Variants in MLIP observed in about 807,000 individuals in gnomAD.
The protein encoded by MLIP is muscular LMNA-interacting protein.
In MLIP, 79 loss-of-function variants were observed where a neutral mutation model predicts 84.8. The observed-to-expected ratio is 0.93, with a 90% CI of 0.78 to 1.12. The LOEUF is 1.12. MLIP is among the 50% of genes most tolerant of loss of function. The pLI is 0.00. For synonymous variants in MLIP, 504 were observed against 463.0 expected (o/e 1.09, Z -1.14); for missense variants, 1,257 against 1,160.6 (o/e 1.08, Z -1.21).
At chr6:54,035,120 T>C (rs1764352784) in intron 1 of MLIP, among the ~76,000 whole-genome samples, 1 of 152,186 alleles carries the variant, frequency 6.6e-6, no homozygotes, top group Non-Finnish European at 1.5e-5. Context: ...GATTATACCA[T>C]CTCAGTTTGT....
At chr6:54,128,234 T>A (rs1034968682) in intron 3 of MLIP, among the ~76,000 whole-genome samples, 3 of 152,074 alleles carry the variant, frequency 2.0e-5, no homozygotes, top group African/African-American at 7.2e-5. Context: ...TGATGATATC[T>A]AGAAAGAAGT....
At position 54,124,865 on chromosome 6, in the gene MLIP, G is replaced by A; in HGVS notation, c.645G>A (p.Gln215=). ...TGGCCCCTCAGCAAAAGCATGGGCA[G>A]GTAGGTTTTGTGTTCCTGCTGTCCA... ...HGMAPQQKHG[Q]LTSSPTTSEQ... is the part of the protein sequence containing the mutation. Residue 215 remains glutamine, a splice_region_variant and synonymous_variant, in exon 3 of 14, where the codon CAG becomes CAA. Transcript: ENST00000502396. 1.3e-6 allele frequency: 2 copies of A among 1,571,234 alleles called. No homozygotes were observed. Among genetic ancestry groups the A allele is most frequent in the Non-Finnish European group, 1.7e-6 (2 of 1,160,314 alleles).
chr6:54,124,707 G>C lies in MLIP; in HGVS notation c.487G>C (p.Gly163Arg). The change falls in exon 3 of 14, where the codon GGG becomes CGG. Residue 163 changes from glycine to arginine, a missense_variant. By Grantham distance (125) the Gly-to-Arg change is moderately radical (BLOSUM62 -2). Coordinates refer to ENST00000502396, the MANE Select transcript of MLIP (RefSeq NM_001281747.2). Reference sequence around the variant, plus strand: ...CAGAAAAGTTGAACAAGGCCCCCCAGGGGGGATTGGCACCGCAGCTGTCCG... The same window carrying C: ...CAGAAAAGTTGAACAAGGCCCCCCACGGGGGATTGGCACCGCAGCTGTCCG... ...ASRKVEQGPP[G>R]GIGTAAVRPK... 7 of 1,614,142 alleles carry C rather than the reference G, an allele frequency of 4.3e-6. No individual in the cohort carries two copies. The highest frequency in any genetic ancestry group is 3.4e-6 in the Non-Finnish European group (4 of 1,179,980).
rs1474703782 is a variant in MLIP, at chr6:54,138,289, A to AT, written c.2217+9dup. ...GCCCAGAAAATAAGAAATCAAAGGT[A>AT]TTTTTTGCATGTTGCATGGTGCATG... On this transcript the variant is annotated splice_donor_region_variant and intron_variant, in intron 4 of 13. Transcript: ENST00000502396. The AT allele has an allele frequency of 2.0e-6, 3 of 1,532,052 alleles. No individual in the cohort carries two copies. Among genetic ancestry groups the AT allele is most frequent in the South Asian group, 1.2e-5 (1 of 83,876 alleles). 94.9% of individuals were successfully genotyped at this position (1,532,052 alleles called of 1,614,324 possible). A position where few individuals can be genotyped will look rare whatever the true frequency, so the allele number is the denominator to read the frequency against.
chr6:54,233,340 C>G (rs1562088674), intron 12 of MLIP, among the ~76,000 whole-genome samples: 1 of 151,980 alleles, frequency 6.6e-6, no homozygotes, highest in Non-Finnish European at 1.5e-5. Flanking sequence ...CCCCCCACCC[C>G]CCAACAGGCC....
intron 1 of MLIP, among the ~76,000 whole-genome samples, chr6:54,048,955 A>G (rs1002953573): frequency 8.5e-5 from 13 of 152,128 alleles, no homozygotes; most frequent in Non-Finnish European, 1.8e-4. Flanking sequence ...AGAGATAGAG[A>G]GAGTTGGTGG....
chr6:54,042,485 A>C (rs923539231), intron 1 of MLIP, among the ~76,000 whole-genome samples: 1 of 152,152 alleles, frequency 6.6e-6, no homozygotes, highest in Non-Finnish European at 1.5e-5. Flanking sequence ...TAGGGTACCA[A>C]ACATATTTTT....
chr6:54,131,339 T>C (rs1278124233), intron 3 of MLIP, among the ~76,000 whole-genome samples: 10 of 152,182 alleles, frequency 6.6e-5, no homozygotes, highest in Non-Finnish European at 1.5e-4. Flanking sequence ...AAAAAGTATC[T>C]CTGCTGCTTT....
intron 13 of MLIP, among the ~76,000 whole-genome samples, chr6:54,260,815 A>AG (rs1783332237): frequency 6.6e-6 from 1 of 151,946 alleles, no homozygotes; most frequent in African/African-American, 2.4e-5. Context: ...ATTCCATACA[A>AG]GGTTTGGAAA....
At chr6:54,179,178 G>A (rs562858731) in intron 9 of MLIP, among the ~76,000 whole-genome samples, 33 of 152,194 alleles carry the variant, frequency 2.2e-4, no homozygotes, top group African/African-American at 7.5e-4. Flanking sequence ...TACAGTTTTT[G>A]TGTTGGTATC....
chr6:54,065,273 T>C lies in MLIP; in HGVS notation c.63+46182T>C, dbSNP rs1184121241. ...CAGAACGGTACCTGATAAATTCTTA[T>C]ATGTGTTTCCTATTGTTATTAGGAC... On this transcript the variant is annotated intron_variant, in intron 1 of 12. Transcript: ENST00000274897. Among the ~76,000 whole-genome samples the C allele has an allele frequency of 4.0e-5, 4 of 100,502 alleles. 1 individual carries two copies. Among genetic ancestry groups the C allele is most frequent in the Non-Finnish European group, 8.6e-5 (3 of 34,944 alleles). 65.9% of individuals were successfully genotyped at this position (100,502 alleles called of 152,430 possible).
chr6:54,045,536 A>G (rs1402868396), intron 1 of MLIP: 1 of 152,078 alleles, frequency 6.6e-6, no homozygotes. Context: ...TTCAGCAGAG[A>G]CCTTGATATG....
intron 13 of MLIP, among the ~76,000 whole-genome samples, chr6:54,264,003 T>C (rs1253166277): frequency 6.6e-6 from 1 of 152,058 alleles, no homozygotes; most frequent in Non-Finnish European, 1.5e-5. Flanking sequence ...AGTAAAAACT[T>C]CACAAAGTGT....
chr6:54,213,313 A>G (rs1195102017), intron 11 of MLIP, among the ~76,000 whole-genome samples: 1 of 152,246 alleles, frequency 6.6e-6, no homozygotes, highest in Non-Finnish European at 1.5e-5. Context: ...ACTTAAAAAT[A>G]TAATACTCCT....
intron 1 of MLIP, among the ~76,000 whole-genome samples, chr6:54,094,529 T>C (rs892428328): frequency 2.2e-4 from 33 of 152,142 alleles, no homozygotes; most frequent in African/African-American, 7.7e-4. Flanking sequence ...TGATGGTGAG[T>C]CCTGGCAGTT....
rs376843997 is a variant in MLIP, at chr6:54,053,599, C to A, written c.63+34508C>A. On this transcript the variant is annotated intron_variant, in intron 1 of 12. Coordinates refer to the MLIP transcript ENST00000274897. Reference sequence around the variant, plus strand: ...AATGAAAGAAAGTAATGCCAAATTGCAGAATGCTATCATGATTACTAGCTT... The same window carrying A: ...AATGAAAGAAAGTAATGCCAAATTGAAGAATGCTATCATGATTACTAGCTT... Among the ~76,000 whole-genome samples, 44 of 152,242 alleles carry A rather than the reference C, an allele frequency of 2.9e-4. 1 individual carries two copies. The East Asian group carries it at 4.6e-3, about 16-fold the overall frequency.
intron 1 of MLIP, among the ~76,000 whole-genome samples, chr6:54,040,495 A>C (rs768256067): frequency 2.0e-5 from 3 of 152,084 alleles, no homozygotes; most frequent in Non-Finnish European, 4.4e-5. Context: ...ACCACTGTGG[A>C]AAGCAGCTTG....
chr6:54,118,706 A>T (rs1487710260), intron 1 of MLIP, among the ~76,000 whole-genome samples: 1 of 152,234 alleles, frequency 6.6e-6, no homozygotes, highest in Non-Finnish European at 1.5e-5. Flanking sequence ...AGCAAGGGAA[A>T]CAATCAACAG....
chr6:54,170,739 G>A (rs568401678), intron 9 of MLIP, among the ~76,000 whole-genome samples: 1 of 151,604 alleles, frequency 6.6e-6, no homozygotes, highest in South Asian at 2.1e-4. Flanking sequence ...TCTATGAAAA[G>A]CCCTTAATGG....
Sources: gnomAD v4.1 joint callset for allele counts (sites outside exome capture counted in the v4.1 genomes callset) on GRCh38, gnomAD v4.1.1 for gene constraint, MANE v1.5 for transcripts, NCBI Gene and HGNC (gene_info 2026-07-23, HGNC 2026-07-21) for gene names.